Variants in OXR1 observed in about 807,000 individuals in gnomAD.
The protein encoded by OXR1 is oxidation resistance protein 1.
Under a neutral mutation model 104.6 loss-of-function variants are expected in OXR1, and 41 were observed. The ratio of observed to expected loss-of-function variants is 0.39; its 90% CI spans 0.31 to 0.51. The LOEUF is 0.51. OXR1 is among the 20% of genes least tolerant of loss of function. The pLI, the probability that OXR1 is intolerant of heterozygous loss-of-function variation, is 0.77. For missense variants in OXR1, 955 were observed against 1,031.9 expected, an observed-to-expected ratio of 0.93 and a Z score of 1.02; for synonymous variants, 348 against 348.4, an observed-to-expected ratio of 1.00 and a Z score of 0.01.
At chr8:106,307,910 A>C (rs1813529224) in intron 1 of OXR1, among the ~76,000 whole-genome samples, 1 of 152,158 alleles carries the variant, frequency 6.6e-6, no homozygotes, top group Non-Finnish European at 1.5e-5. Flanking sequence ...TTCTGAAAAT[A>C]AATGAGGACC....
chr8:106,483,271 G>A (rs1822250386), intron 2 of OXR1, among the ~76,000 whole-genome samples: 1 of 152,030 alleles, frequency 6.6e-6, no homozygotes, highest in East Asian at 1.9e-4. Context: ...TGGCAACTTT[G>A]TGAGGGACGC....
intron 2 of OXR1, among the ~76,000 whole-genome samples, chr8:106,485,125 A>G (rs530241085): frequency 9.7e-4 from 148 of 152,176 alleles, no homozygotes; most frequent in African/African-American, 3.4e-3. Flanking sequence ...AGGTAAAACT[A>G]TGGATACAAC....
intron 1 of OXR1, among the ~76,000 whole-genome samples, chr8:106,302,585 C>CAAA (rs201231695): frequency 4.0e-5 from 5 of 125,468 alleles, no homozygotes; most frequent in South Asian, 5.2e-4. Flanking sequence ...GATGCTGTCT[C>CAAA]AAAAAAAAAA....
intron 2 of OXR1, among the ~76,000 whole-genome samples, chr8:106,432,257 T>C (rs1819391539): frequency 6.6e-6 from 1 of 152,140 alleles, no homozygotes; most frequent in African/African-American, 2.4e-5. Flanking sequence ...GCCAGATTGA[T>C]CCTTCAAAAA....
At chr8:106,489,871 A>G (rs897190620) in intron 2 of OXR1, among the ~76,000 whole-genome samples, 3 of 152,108 alleles carry the variant, frequency 2.0e-5, no homozygotes, top group Admixed American at 6.6e-5. Context: ...CTCACCTATC[A>G]CATAACTTTT....
intron 7 of OXR1, among the ~76,000 whole-genome samples, chr8:106,694,634 TATATGTTTATATATATTTGATATATAAA>T (rs1829694527): frequency 3.0e-5 from 3 of 100,986 alleles, no homozygotes; most frequent in Admixed American, 1.3e-4. Context: ...GATATATAAA[TATATGTTTATATATATTTGATATATAAA>T]TATATGTTTA....
chr8:106,291,472 C>A (rs1234172371), intron 1 of OXR1, among the ~76,000 whole-genome samples: 2 of 152,168 alleles, frequency 1.3e-5, no homozygotes, highest in African/African-American at 4.8e-5. Flanking sequence ...TAAATTGCAT[C>A]ATTCTTGGAA....
Position 106,414,171 on chromosome 8 carries a change from T to C in OXR1, c.23+54535T>C, listed in dbSNP as rs1818575956. 2.0e-5 allele frequency among the ~76,000 whole-genome samples: 3 copies of C among 152,286 alleles called. No homozygotes were observed. The South Asian group carries it at 6.2e-4, about 32-fold the overall frequency. ...TTTCTGAACTTGAACTGATTTGTGT[T>C]ATTTGGGACTTTATTTCATGGTATT... On this transcript the variant is annotated intron_variant, in intron 2 of 16. Coordinates refer to ENST00000517566, the MANE Select transcript of OXR1 (RefSeq NM_001198533.2).
chr8:106,398,444 A>G (rs1817870624), intron 2 of OXR1, among the ~76,000 whole-genome samples: 1 of 152,152 alleles, frequency 6.6e-6, no homozygotes, highest in South Asian at 2.1e-4. Flanking sequence ...CCATGCACTC[A>G]AGGAGAAAGA....
intron 3 of OXR1, among the ~76,000 whole-genome samples, chr8:106,549,546 T>G (rs1419446542): frequency 6.6e-6 from 1 of 152,216 alleles, no homozygotes; most frequent in African/African-American, 2.4e-5. Context: ...GATCACTATC[T>G]TAATCCGTTC....
At chr8:106,339,524 A>G (rs1256909274) in intron 1 of OXR1, among the ~76,000 whole-genome samples, 21 of 18,828 alleles carry the variant, frequency 1.1e-3, no homozygotes, top group South Asian at 2.0e-3. Flanking sequence ...AAAAAAATAT[A>G]TATATATATA....
chr8:106,415,570 T>TGA (rs775296577), intron 2 of OXR1, among the ~76,000 whole-genome samples: 4 of 101,354 alleles, frequency 3.9e-5, no homozygotes, highest in Non-Finnish European at 7.4e-5. Flanking sequence ...AGAGTGAGAC[T>TGA]GAGAGAGAGA....
In OXR1 at chr8:106,365,255, T is replaced by A. The variant is rs554661282; in HGVS notation, c.23+5619T>A. Among the ~76,000 whole-genome samples, 5 of 152,172 alleles carry A rather than the reference T, an allele frequency of 3.3e-5. No individual in the cohort carries two copies. The South Asian group carries it at 6.2e-4, about 19-fold the overall frequency. On this transcript the variant is annotated intron_variant, in intron 2 of 16. Transcript: ENST00000517566. ...AATATGAGTATTTCTCAGTGGTAAG[T>A]TCATGTTGAATGAATGACTGTTTCA...
chr8:106,486,000 A>G (rs547699406), intron 2 of OXR1, among the ~76,000 whole-genome samples: 2 of 152,066 alleles, frequency 1.3e-5, no homozygotes, highest in Non-Finnish European at 2.9e-5. Flanking sequence ...TTCAAAGGAT[A>G]CAAATTTTTT....
chr8:106,344,087 G>A (rs73701147), intron 1 of OXR1, among the ~76,000 whole-genome samples: 4,793 of 152,260 alleles, frequency 0.031, 93 homozygotes, highest in South Asian at 0.11. Context: ...AAAACCACTG[G>A]AGATTTCTCA....
intron 1 of OXR1, among the ~76,000 whole-genome samples, chr8:106,287,337 T>A (rs1243139823): frequency 6.6e-6 from 1 of 152,170 alleles, no homozygotes; most frequent in Non-Finnish European, 1.5e-5. Flanking sequence ...TGGATAATAA[T>A]TTCTGCTAAG....
chr8:106,552,194 G>C (rs1002809086), intron 3 of OXR1, among the ~76,000 whole-genome samples: 1 of 152,038 alleles, frequency 6.6e-6, no homozygotes, highest in Admixed American at 6.6e-5. Context: ...CATAGTTTGA[G>C]ATACTAAGTT....
At chr8:106,605,474 A>C (rs190965912) in intron 3 of OXR1, among the ~76,000 whole-genome samples, 2 of 152,172 alleles carry the variant, frequency 1.3e-5, no homozygotes, top group Non-Finnish European at 2.9e-5. Context: ...CTAGGATTTA[A>C]TGGTGAGAAC....
At chr8:106,458,234 C>T (rs1009624970) in intron 2 of OXR1, among the ~76,000 whole-genome samples, 2 of 152,120 alleles carry the variant, frequency 1.3e-5, no homozygotes, top group Non-Finnish European at 2.9e-5. Flanking sequence ...GAGAGGTTCC[C>T]TTAAAAGCTC....
Sources: gnomAD v4.1 joint callset for allele counts (sites outside exome capture counted in the v4.1 genomes callset) on GRCh38, gnomAD v4.1.1 for gene constraint, MANE v1.5 for transcripts, NCBI Gene and HGNC (gene_info 2026-07-23, HGNC 2026-07-21) for gene names.